Variants in IDO2 observed in about 807,000 individuals in gnomAD.
IDO2 encodes indoleamine 2,3-dioxygenase 2, also known as indoleamine 2,3-dioxygenase-like 1 protein.
A neutral mutation model predicts 45.1 loss-of-function variants in IDO2; 46 were observed. The observed-to-expected ratio is 1.02, with a 90% CI of 0.80 to 1.30. The LOEUF is 1.30. IDO2 is among the 50% of genes most tolerant of loss of function. IDO2 has a pLI of 0.00. For synonymous variants in IDO2, 218 were observed against 184.9 expected (o/e 1.18, Z -1.45); for missense variants, 544 against 491.8 (o/e 1.11, Z -1.00).
intron 3 of IDO2, among the ~76,000 whole-genome samples, chr8:39,974,130 C>G (rs115021394): frequency 1.0e-3 from 156 of 152,234 alleles, no homozygotes; most frequent in African/African-American, 3.7e-3. Flanking sequence ...TAAGATTTTT[C>G]CTATCAGTTT....
intron 8 of IDO2, among the ~76,000 whole-genome samples, chr8:39,991,705 G>A (rs1043262203): frequency 1.3e-5 from 2 of 151,950 alleles, no homozygotes; most frequent in African/African-American, 4.8e-5. Context: ...CTAGTAGCTG[G>A]GATTATAGGC....
chr8:40,002,765 G>C (rs1036963957), intron 8 of IDO2, among the ~76,000 whole-genome samples: 1 of 152,034 alleles, frequency 6.6e-6, no homozygotes, highest in African/African-American at 2.4e-5. Context: ...GGGTGACAGA[G>C]TGAGGCTCCA....
intron 8 of IDO2, among the ~76,000 whole-genome samples, chr8:40,004,339 A>G (rs899129812): frequency 2.6e-5 from 4 of 152,324 alleles, no homozygotes; most frequent in African/African-American, 7.2e-5. Flanking sequence ...TGTTGGTTGG[A>G]AAAGGAAGCT....
chr8:39,950,391 G>T (rs191248182), intron 2 of IDO2, among the ~76,000 whole-genome samples: 1 of 152,242 alleles, frequency 6.6e-6, no homozygotes, highest in African/African-American at 2.4e-5. Context: ...AATTGGCCAG[G>T]CGTGGTGGCA....
intron 8 of IDO2, among the ~76,000 whole-genome samples, chr8:40,002,695 G>T (rs966359902): frequency 6.6e-6 from 1 of 152,092 alleles, no homozygotes; most frequent in African/African-American, 2.4e-5. Flanking sequence ...CAGGAGAATC[G>T]CTTGAACCTG....
At chr8:39,981,238 T>G in intron 4 of IDO2, among the ~76,000 whole-genome samples, 1 of 151,980 alleles carries the variant, frequency 6.6e-6, no homozygotes, top group East Asian at 1.9e-4. Context: ...ATTTTTATAT[T>G]TTTAGTAAAG....
At chr8:40,011,845 T>A (rs149588135) in intron 9 of IDO2, among the ~76,000 whole-genome samples, 87 of 152,300 alleles carry the variant, frequency 5.7e-4, no homozygotes, top group African/African-American at 2.1e-3. Flanking sequence ...AAATTCCATA[T>A]CTGCTTGAGA....
exon 11 of IDO2, chr8:40,015,396 C>T (rs781509860): frequency 1.2e-6 from 2 of 1,613,936 alleles, no homozygotes; most frequent in Non-Finnish European, 1.7e-6. Context: ...TGTGCAGGCC[C>T]TGGCAGAGCT....
chr8:39,950,750 T>C (rs1014783399), intron 2 of IDO2, among the ~76,000 whole-genome samples: 10 of 152,118 alleles, frequency 6.6e-5, no homozygotes, highest in East Asian at 1.9e-4. Context: ...ACTTTTTTAA[T>C]TGGATAAGGG....
intron 3 of IDO2, among the ~76,000 whole-genome samples, chr8:39,964,182 C>CT (rs1808045828): frequency 6.6e-6 from 1 of 152,162 alleles, no homozygotes; most frequent in Non-Finnish European, 1.5e-5. Context: ...TCCAATAAGC[C>CT]TGTAAATTCC....
intron 4 of IDO2, among the ~76,000 whole-genome samples, 171 bp downstream of exon 4, chr8:39,979,357 ATTT>A (rs1418869441): frequency 6.9e-6 from 1 of 144,578 alleles, no homozygotes; most frequent in African/African-American, 2.5e-5. Context: ...TATTATTATT[ATTT>A]TTTTATTTTA....
intron 4 of IDO2, 104 bp downstream of exon 4, chr8:39,979,290 C>G: frequency 8.0e-7 from 1 of 1,247,950 alleles, no homozygotes; most frequent in Non-Finnish European, 1.1e-6. Flanking sequence ...AAAATGGGTA[C>G]TTTCTTCTTC....
chr8:39,978,244 C>A (rs1000755335), intron 3 of IDO2, among the ~76,000 whole-genome samples: 1 of 152,170 alleles, frequency 6.6e-6, no homozygotes, highest in South Asian at 2.1e-4. Flanking sequence ...AACAAAAACA[C>A]CCCCTGCCGC....
At chr8:39,963,728 C>T in intron 3 of IDO2, 25 bp downstream of exon 3, 4 of 1,372,984 alleles carry the variant, frequency 2.9e-6, no homozygotes, top group Non-Finnish European at 4.1e-6. Flanking sequence ...ACCCCCTCAT[C>T]ACATTCTGTT....
chr8:39,987,822 C>A, intron 6 of IDO2, 49 bp from the exon 7 acceptor site: 3 of 1,123,482 alleles, frequency 2.7e-6, no homozygotes, highest in South Asian at 1.3e-5. Flanking sequence ...AGTGAGTACT[C>A]ACGGTACAGT....
Position 39,935,646 on chromosome 8 carries a change from C to T in IDO2, c.-18+428C>T, listed in dbSNP as rs567692240. 3.3e-5 allele frequency among the ~76,000 whole-genome samples: 5 copies of T among 152,228 alleles called. No homozygotes were observed. The South Asian group carries it at 1.0e-3, about 32-fold the overall frequency. ...TGTACTTTTAGTAGAGACGGGGTTT[C>T]ACCATGTTGGCCAGGCTGGCCTCAA... is the stretch of plus-strand genomic sequence containing the variant. On this transcript the variant is annotated intron_variant, in intron 1 of 10. Coordinates refer to ENST00000502986, the Ensembl canonical transcript of IDO2.
intron 1 of IDO2, among the ~76,000 whole-genome samples, chr8:39,939,217 T>G (rs1324256265): frequency 7.9e-6 from 1 of 127,322 alleles, no homozygotes; most frequent in Admixed American, 9.9e-5. Context: ...CACTCTAGCC[T>G]GGGCGACAGA....
chr8:39,957,042 CAAAAAA>C (rs56064306), intron 2 of IDO2, among the ~76,000 whole-genome samples: 3 of 31,342 alleles, frequency 9.6e-5, no homozygotes, highest in African/African-American at 3.5e-4. Flanking sequence ...GACTCCATCT[CAAAAAA>C]AAAAAAAAAA....
intron 3 of IDO2, among the ~76,000 whole-genome samples, chr8:39,972,227 A>C (rs1399986120): frequency 6.6e-6 from 1 of 152,338 alleles, no homozygotes; most frequent in African/African-American, 2.4e-5. Flanking sequence ...ATGTTGCTGA[A>C]CATTGTTGAA....
Sources: gnomAD v4.1 joint callset for allele counts (sites outside exome capture counted in the v4.1 genomes callset) on GRCh38, gnomAD v4.1.1 for gene constraint, MANE v1.5 for transcripts, NCBI Gene and HGNC (gene_info 2026-07-23, HGNC 2026-07-21) for gene names.